Variants in INPP5A observed in about 807,000 individuals in gnomAD.
The protein encoded by INPP5A is 43 kDa inositol polyphosphate 5-phophatase.
INPP5A carries 14 observed loss-of-function variants against 65.2 expected under a neutral mutation model. That is an observed-to-expected ratio of 0.21 (90% CI 0.14 to 0.34). The LOEUF (loss-of-function observed/expected upper bound fraction) is 0.34. Among genes scored for constraint, INPP5A ranks in the 10% least tolerant of loss-of-function variants. INPP5A has a pLI of 1.00. For synonymous variants in INPP5A, 207 were observed against 208.3 expected, an observed-to-expected ratio of 0.99 and a Z score of 0.05; for missense variants, 431 against 545.6, an observed-to-expected ratio of 0.79 and a Z score of 2.09.
chr10:132,708,459 T>G, intron 7 of INPP5A, 94 bp downstream of exon 7: 1 of 1,285,110 alleles, frequency 7.8e-7, no homozygotes, highest in Non-Finnish European at 1.1e-6. Context: ...CATTGGAGGC[T>G]CTACTGATTT....
intron 8 of INPP5A, among the ~76,000 whole-genome samples, chr10:132,712,477 T>G (rs77751972): frequency 0.023 from 3,222 of 141,810 alleles, 61 homozygotes; most frequent in Non-Finnish European, 0.031. Context: ...TGGATGTGTG[T>G]GGGTACATGT....
chr10:132,607,060 C>T (rs2071866453), intron 1 of INPP5A, among the ~76,000 whole-genome samples: 4 of 152,202 alleles, frequency 2.6e-5, no homozygotes, highest in Admixed American at 2.6e-4. Context: ...TGCTCGCGCT[C>T]AGCCTCGTCC....
intron 5 of INPP5A, among the ~76,000 whole-genome samples, chr10:132,692,215 A>C (rs1845280262): frequency 6.6e-6 from 1 of 152,170 alleles, no homozygotes. Context: ...AGCGAGCTGG[A>C]AGGTGTTAGA....
chr10:132,590,125 C>A (rs1448288781), intron 1 of INPP5A, among the ~76,000 whole-genome samples: 1 of 152,216 alleles, frequency 6.6e-6, no homozygotes. Flanking sequence ...CAGAAGTTGG[C>A]TTGAAATAAT....
chr10:132,635,387 T>A (rs1245787482), intron 2 of INPP5A, among the ~76,000 whole-genome samples: 4 of 26,876 alleles, frequency 1.5e-4, no homozygotes, highest in Admixed American at 5.2e-4. Flanking sequence ...TTTTTAAAGA[T>A]TTTTTTTTTT....
At chr10:132,723,677 G>A (rs144345612) in intron 8 of INPP5A, among the ~76,000 whole-genome samples, 4,046 of 147,804 alleles carry the variant, frequency 0.027, 80 homozygotes, top group Non-Finnish European at 0.04. Context: ...GGGATTGGCC[G>A]TGTGGGGATT....
chr10:132,775,127 G>GAAAC (rs373401008), intron 12 of INPP5A, among the ~76,000 whole-genome samples: 19 of 48,012 alleles, frequency 4.0e-4, no homozygotes, highest in Admixed American at 7.2e-4. Flanking sequence ...GCAGGGAGGA[G>GAAAC]GGGCAGGGAG....
chr10:132,780,912 C>T lies in INPP5A; in HGVS notation c.1153C>T (p.His385Tyr). ...TGGGCCCAACGTCTGCATGGGAGAC[C>T]ACAAGGTGACATAGACTGAGGTCCA... ...HIGPNVCMGDHKPVFLAFRIM... is the reference protein window; with the variant it reads ...HIGPNVCMGDYKPVFLAFRIM... The change falls in exon 14 of 16, where the codon CAC becomes TAC. Residue 385 changes from histidine to tyrosine, a missense_variant. Physicochemically the swap from His to Tyr is moderately conservative, Grantham distance 83 (BLOSUM62 2). Coordinates refer to ENST00000368594, the MANE Select transcript of INPP5A (RefSeq NM_005539.5). The T allele has an allele frequency of 6.3e-7, 1 of 1,596,526 alleles. No individual in the cohort carries two copies. The highest frequency in any genetic ancestry group is 8.5e-7 in the Non-Finnish European group (1 of 1,170,052).
chr10:132,654,840 T>TG lies in INPP5A; in HGVS notation c.306+4342dup, dbSNP rs58989298. Among the ~76,000 whole-genome samples, 667 of 152,276 alleles carry TG rather than the reference T, an allele frequency of 4.4e-3. 5 individuals are homozygous for TG. Among genetic ancestry groups the TG allele is most frequent in the African/African-American group, 0.015 (635 of 41,564 alleles). ...AAGCTGCGCCTGGCGCGTGAGCCTG[T>TG]GGGGGGGACGCGGCTGAGGGGCTTT... On this transcript the variant is annotated intron_variant, in intron 4 of 15. Transcript: ENST00000368594.
chr10:132,645,595 T>TGTTTGA (rs1483300903), intron 2 of INPP5A, among the ~76,000 whole-genome samples: 2 of 152,196 alleles, frequency 1.3e-5, no homozygotes, highest in East Asian at 3.9e-4. Flanking sequence ...ATAAGGCCTC[T>TGTTTGA]AGATGATTGA....
chr10:132,747,282 A>G (rs961623188), intron 9 of INPP5A, among the ~76,000 whole-genome samples: 18 of 152,172 alleles, frequency 1.2e-4, no homozygotes, highest in African/African-American at 4.3e-4. Context: ...TCTAATCCTC[A>G]CGCTGTTTGA....
intron 2 of INPP5A, among the ~76,000 whole-genome samples, chr10:132,623,336 A>G (rs1590874593): frequency 6.6e-6 from 1 of 152,104 alleles, no homozygotes; most frequent in East Asian, 1.9e-4. Flanking sequence ...TAAGAACTAG[A>G]CTCACACATA....
chr10:132,581,785 C>T (rs529635788), intron 1 of INPP5A, among the ~76,000 whole-genome samples: 1 of 151,992 alleles, frequency 6.6e-6, no homozygotes, highest in Non-Finnish European at 1.5e-5. Flanking sequence ...GATACCAGTC[C>T]TTTGTCAGAT....
In INPP5A at chr10:132,707,448, C is replaced by T. The variant is rs1414767402; in HGVS notation, c.475-865C>T. ...TTCCCAAGAGGCCTAGGCTGTGAAG[C>T]TACCCTGTTCTGCATGGCTGTTTAA... On this transcript the variant is annotated intron_variant, in intron 6 of 15. Transcript: ENST00000368594. This position sits in a 1 kb window ranked among gnomAD's most constrained non-coding sequence, Gnocchi z 5.5. Among the ~76,000 whole-genome samples the T allele has an allele frequency of 6.6e-6, 1 of 152,272 alleles. No individual in the cohort carries two copies. Among genetic ancestry groups the T allele is most frequent in the African/African-American group, 2.4e-5 (1 of 41,472 alleles).
chr10:132,717,156 C>T (rs1200052494), intron 8 of INPP5A, among the ~76,000 whole-genome samples: 1 of 145,104 alleles, frequency 6.9e-6, no homozygotes, highest in African/African-American at 2.5e-5. Context: ...TGCGTCCTCA[C>T]GTGGTGGAGG....
At chr10:132,566,733 T>G (rs2071278871) in intron 1 of INPP5A, among the ~76,000 whole-genome samples, 1 of 152,198 alleles carries the variant, frequency 6.6e-6, no homozygotes, top group Non-Finnish European at 1.5e-5. Context: ...TAATATAATT[T>G]TAAAACACAG....
intron 4 of INPP5A, among the ~76,000 whole-genome samples, chr10:132,679,356 T>G (rs2073012314): frequency 6.6e-6 from 1 of 152,248 alleles, no homozygotes; most frequent in South Asian, 2.1e-4. Context: ...AAGGTCGGAC[T>G]TGTCACGGGA....
chr10:132,654,121 G>C (rs1198286282), intron 4 of INPP5A, among the ~76,000 whole-genome samples: 2 of 152,246 alleles, frequency 1.3e-5, no homozygotes, highest in African/African-American at 2.4e-5. Flanking sequence ...AGGGTTTCCG[G>C]AAAATGGGAC....
At chr10:132,756,382 A>G (rs1194494179) in intron 11 of INPP5A, among the ~76,000 whole-genome samples, 6 of 151,720 alleles carry the variant, frequency 4.0e-5, no homozygotes, top group East Asian at 1.9e-4. Context: ...GTGTGTGTGT[A>G]TGTGTGCGTG....
Sources: allele counts gnomAD v4.1 joint callset (sites outside exome capture counted in the v4.1 genomes callset), GRCh38; gene constraint gnomAD v4.1.1; non-coding constraint Gnocchi (gnomAD v3.1); transcripts MANE v1.5; gene names NCBI Gene and HGNC (gene_info 2026-07-23, HGNC 2026-07-21).